The following MYH15 variants were observed in gnomAD, a reference collection of about 807,000 sequenced individuals.
The protein encoded by MYH15 is myosin heavy chain 15, also known as myosin-15.
A neutral mutation model predicts 240.5 loss-of-function variants in MYH15; 227 were observed. The ratio of observed to expected loss-of-function variants is 0.94; its 90% CI spans 0.85 to 1.05. The LOEUF (loss-of-function observed/expected upper bound fraction) is 1.05, where lower values mean the gene tolerates loss of function less well. Ranked by LOEUF, MYH15 falls within the 50% of genes least tolerant of loss-of-function variation. The pLI, the probability that MYH15 is intolerant of heterozygous loss-of-function variation, is 0.00. For missense variants in MYH15, 2,217 were observed against 2,247.5 expected (o/e 0.99, Z 0.27); for synonymous variants, 785 against 796.7 (o/e 0.99, Z 0.25).
chr3:108,443,803 T>C lies in MYH15; in HGVS notation c.2655+837A>G, dbSNP rs1258971788. On this transcript the variant is annotated intron_variant, in intron 22 of 40. Coordinates refer to ENST00000693548, the MANE Select transcript of MYH15 (RefSeq NM_014981.3). Reference sequence around the variant, plus strand: ...ATATCAGAGTCACCCATAGAGATTATTTGGACCCACACAGAGTCTGCTTAA... The same window carrying C: ...ATATCAGAGTCACCCATAGAGATTACTTGGACCCACACAGAGTCTGCTTAA... Among the ~76,000 whole-genome samples, 3 of 151,858 alleles carry C rather than the reference T, an allele frequency of 2.0e-5. No individual in the cohort carries two copies. In the East Asian group the frequency reaches 5.8e-4, roughly 29 times the overall value.
At chr3:108,442,985 C>T (rs572887335) in intron 22 of MYH15, among the ~76,000 whole-genome samples, 1 of 152,140 alleles carries the variant, frequency 6.6e-6, no homozygotes, top group East Asian at 1.9e-4. Flanking sequence ...GCATATCAAG[C>T]TTTTGTCTAC....
At chr3:108,467,585 C>G (rs1020179380) in intron 14 of MYH15, among the ~76,000 whole-genome samples, 1 of 152,064 alleles carries the variant, frequency 6.6e-6, no homozygotes, top group African/African-American at 2.4e-5. Context: ...ATCCTAATCC[C>G]AATATCGTGA....
chr3:108,458,091 C>T (rs971094950), intron 18 of MYH15, among the ~76,000 whole-genome samples: 3 of 152,158 alleles, frequency 2.0e-5, no homozygotes, highest in East Asian at 3.9e-4. Flanking sequence ...GGAGTAGAAT[C>T]CTATGACACC....
chr3:108,443,405 T>TTC (rs10659786), intron 22 of MYH15, among the ~76,000 whole-genome samples: 152,145 of 152,362 alleles, frequency 1, 75,964 homozygotes, highest in Middle Eastern at 1. Flanking sequence ...GCACTAAATT[T>TTC]TCTGTTTTTA....
chr3:108,408,273 A>G lies in MYH15; in HGVS notation c.4620+7T>C, dbSNP rs754596726. The G allele has an allele frequency of 3.1e-6, 5 of 1,607,614 alleles. No individual in the cohort carries two copies. The African/African-American group carries it at 6.7e-5, about 22-fold the overall frequency. On this transcript the variant is annotated splice_region_variant and intron_variant, in intron 32 of 40. Transcript: ENST00000693548. ...TGAAAACTTTCTTTTCTCCCTGGTG[A>G]TAATACCTCTGTTTCTTCCAGTGTC...
chr3:108,500,079 A>G, intron 4 of MYH15, 39 bp downstream of exon 4: 1 of 1,596,576 alleles, frequency 6.3e-7, no homozygotes, highest in Non-Finnish European at 8.5e-7. Context: ...AAAGTAGATC[A>G]GATATTTTTA....
In MYH15 at chr3:108,500,025, T is replaced by C. The variant is rs761503606; in HGVS notation, c.496+93A>G. On this transcript the variant is annotated intron_variant, in intron 4 of 40. Transcript: ENST00000693548. ...AGTGATTAGCTAACTGTAAAGGCCA[T>C]GCTCTGCTCACAATGCCTAAGTGCC... The C allele has an allele frequency of 3.0e-5, 42 of 1,381,120 alleles. No homozygotes were observed. In the Admixed American group the frequency reaches 6.1e-4, roughly 20 times the overall value. The allele number at this position is 1,381,120 out of a possible 1,614,324, so 85.6% of individuals were successfully genotyped here.
intron 29 of MYH15, among the ~76,000 whole-genome samples, chr3:108,414,751 C>T (rs2082621142): frequency 6.6e-6 from 1 of 152,124 alleles, no homozygotes; most frequent in Non-Finnish European, 1.5e-5. Flanking sequence ...ATCATTTAGG[C>T]AATAAGATTT....
At chr3:108,543,543 G>A in the MYH15 span, 1 of 152,214 alleles carries the variant, frequency 6.6e-6, no homozygotes, top group African/African-American at 2.4e-5. Flanking sequence ...TTCAACTGGA[G>A]TTGCTGGCAT....
rs768998401 is a variant in MYH15, at chr3:108,495,823, A to G, written c.668T>C (p.Phe223Ser). The change falls in exon 7 of 41, where the codon TTT becomes TCT. Residue 223 changes from phenylalanine (F) to serine (S), a missense_variant. By Grantham distance (155) the Phe-to-Ser change is radical. Coordinates refer to ENST00000693548, the MANE Select transcript of MYH15 (RefSeq NM_014981.3). ...ATTTCTCAGGGTTTTAGCATTTCCA[A>G]ATGCTTCCAAGATAGTATTCGCTTG... ...IMQANTILEA[F>S]GNAKTLRNDN... 6.8e-6 allele frequency: 11 copies of G among 1,612,902 alleles called. No homozygotes were observed. Among genetic ancestry groups the G allele is most frequent in the African/African-American group, 1.3e-5 (1 of 75,032 alleles).
intron 14 of MYH15, among the ~76,000 whole-genome samples, chr3:108,467,373 A>G (rs1020620528): frequency 5.3e-5 from 8 of 152,034 alleles, no homozygotes; most frequent in African/African-American, 1.7e-4. Context: ...GTGATAACAC[A>G]TAATGCCAAG....
chr3:108,381,149 G>A lies in MYH15; in HGVS notation c.*396C>T, dbSNP rs2082339319. ...ATCAAGCCAAAGTTGCCTAACTTTAGTAAAAACCATTCACCAACATGCCCT... is the reference window on the plus strand; with the variant it reads ...ATCAAGCCAAAGTTGCCTAACTTTAATAAAAACCATTCACCAACATGCCCT... On this transcript the variant is annotated 3_prime_UTR_variant, in exon 41 of 41. Transcript: ENST00000693548. 1 of 196,578 alleles carries A rather than the reference G, an allele frequency of 5.1e-6. No homozygotes were observed. Among genetic ancestry groups the A allele is most frequent in the African/African-American group, 2.3e-5 (1 of 42,570 alleles). The allele number at this position is 196,578 out of a possible 1,614,324, so 12.2% of individuals were successfully genotyped here. A position where few individuals can be genotyped will look rare whatever the true frequency, so the allele number is the denominator to read the frequency against.
At chr3:108,506,970 G>A (rs1273014792) in intron 1 of MYH15, among the ~76,000 whole-genome samples, 3 of 152,078 alleles carry the variant, frequency 2.0e-5, no homozygotes, top group East Asian at 3.9e-4. Context: ...GTCGGAGGTT[G>A]CAGTGAGCCG....
At chr3:108,531,692 G>T (rs1469352492), upstream of MYH15, among the ~76,000 whole-genome samples, 3 of 151,982 alleles carry the variant, frequency 2.0e-5, no homozygotes, top group African/African-American at 4.8e-5. Flanking sequence ...CAGAAGAATG[G>T]TGTGAACCCG....
At chr3:108,403,431 G>A (rs184690555) in intron 33 of MYH15, among the ~76,000 whole-genome samples, 1 of 151,934 alleles carries the variant, frequency 6.6e-6, no homozygotes, top group East Asian at 1.9e-4. Context: ...TTGCCCTCAG[G>A]CAATATTTTC....
At chr3:108,529,197 C>G in intron 1 of MYH15, 2 of 1,478,188 alleles carry the variant, frequency 1.4e-6, no homozygotes, top group Admixed American at 1.8e-5. Context: ...AAATTCTAGG[C>G]TGCTACTGTC....
At chr3:108,408,672 A>G (rs890125933) in intron 31 of MYH15, among the ~76,000 whole-genome samples, 1 of 152,216 alleles carries the variant, frequency 6.6e-6, no homozygotes, top group African/African-American at 2.4e-5. Context: ...AACTTTTGCA[A>G]CTTTTACATG....
intron 28 of MYH15, among the ~76,000 whole-genome samples, chr3:108,418,534 T>C (rs897423009): frequency 6.6e-6 from 1 of 152,128 alleles, no homozygotes; most frequent in African/African-American, 2.4e-5. Context: ...CTTAGTACTA[T>C]ACTAAAATAG....
At chr3:108,467,084 G>A (rs1169340411) in intron 14 of MYH15, among the ~76,000 whole-genome samples, 1 of 151,870 alleles carries the variant, frequency 6.6e-6, no homozygotes, top group East Asian at 1.9e-4. Flanking sequence ...TATCATAGTA[G>A]GTTCCGAGGT....
Sources: gnomAD v4.1 joint callset for allele counts (sites outside exome capture counted in the v4.1 genomes callset) on GRCh38, gnomAD v4.1.1 for gene constraint, MANE v1.5 for transcripts, NCBI Gene and HGNC (gene_info 2026-07-23, HGNC 2026-07-21) for gene names.